CRTAC1: variants seen among roughly 807,000 people sequenced by gnomAD.
The protein encoded by CRTAC1 is cartilage acidic protein 1.
CRTAC1 carries 37 observed loss-of-function variants against 67.8 expected under a neutral mutation model. The ratio of observed to expected loss-of-function variants is 0.55; its 90% CI spans 0.42 to 0.72. CRTAC1 has a LOEUF of 0.72. Among genes scored for constraint, CRTAC1 ranks in the 30% least tolerant of loss-of-function variants. CRTAC1 has a pLI of 0.00. For missense variants in CRTAC1, 780 were observed against 931.6 expected, an observed-to-expected ratio of 0.84 and a Z score of 2.12; for synonymous variants, 348 against 371.0, an observed-to-expected ratio of 0.94 and a Z score of 0.71.
chr10:98,003,010 C>T (rs1842723477), intron 2 of CRTAC1, among the ~76,000 whole-genome samples: 1 of 151,592 alleles, frequency 6.6e-6, no homozygotes, highest in East Asian at 1.9e-4. Context: ...GTCTCGATCT[C>T]CTGACCTCGT....
At chr10:97,964,018 C>T (rs1360717316) in intron 2 of CRTAC1, among the ~76,000 whole-genome samples, 1 of 152,208 alleles carries the variant, frequency 6.6e-6, no homozygotes, top group Admixed American at 6.5e-5. Flanking sequence ...CCCCACCTAC[C>T]ACGCTGTCTC....
Position 97,901,584 on chromosome 10 carries a change from G to T in CRTAC1, c.1052C>A (p.Ala351Asp). The T allele has an allele frequency of 6.2e-7, 1 of 1,614,230 alleles. No individual in the cohort carries two copies. Among genetic ancestry groups the T allele is most frequent in the Non-Finnish European group, 8.5e-7 (1 of 1,180,046 alleles). ...CAGCTCCTGGTCATTGTCAAAGTCG[G>T]CGGTGATGACCGTGCGGACAGGGGA... Reference protein sequence around the residue: ...MPSPVRTVITADFDNDQELEI... With the variant: ...MPSPVRTVITDDFDNDQELEI... The change falls in exon 8 of 15, where the codon GCC becomes GAC. Residue 351 changes from alanine (A) to aspartate (D), a missense_variant. Physicochemically the swap from Ala to Asp is moderately radical, Grantham distance 126. Coordinates refer to ENST00000370597, the MANE Select transcript of CRTAC1 (RefSeq NM_018058.7).
At chr10:97,977,843 G>A (rs2051832458) in intron 2 of CRTAC1, among the ~76,000 whole-genome samples, 1 of 152,298 alleles carries the variant, frequency 6.6e-6, no homozygotes, top group East Asian at 1.9e-4. Flanking sequence ...AATATGCTGT[G>A]ATCATCAGTA....
intron 2 of CRTAC1, among the ~76,000 whole-genome samples, chr10:98,004,039 C>T (rs1165433856): frequency 6.6e-6 from 1 of 152,036 alleles, no homozygotes; most frequent in African/African-American, 2.4e-5. Flanking sequence ...AGCCCTGGCC[C>T]CTGATCCAAT....
chr10:97,866,067 T>G, intron 14 of CRTAC1: 1 of 253,306 alleles, frequency 3.9e-6, no homozygotes, highest in Non-Finnish European at 7.6e-6. Flanking sequence ...GCCTGCCACA[T>G]AGAGGACTCC....
intron 2 of CRTAC1, among the ~76,000 whole-genome samples, chr10:97,966,474 G>A (rs1456220637): frequency 1.3e-5 from 2 of 152,196 alleles, no homozygotes; most frequent in Non-Finnish European, 2.9e-5. Flanking sequence ...AAAATTGCAA[G>A]GGTAGTATAG....
chr10:97,984,840 T>A (rs2051954255), intron 2 of CRTAC1, among the ~76,000 whole-genome samples: 1 of 152,166 alleles, frequency 6.6e-6, no homozygotes, highest in African/African-American at 2.4e-5. Flanking sequence ...GGGAGCTCAC[T>A]AGTTCAAAGG....
chr10:97,993,264 A>C (rs1412323739), intron 2 of CRTAC1, among the ~76,000 whole-genome samples: 1 of 152,234 alleles, frequency 6.6e-6, no homozygotes, highest in Non-Finnish European at 1.5e-5. Context: ...CCTTGGCTTT[A>C]ATACTAAAAG....
chr10:97,906,197 A>T (rs1434804921), intron 6 of CRTAC1, among the ~76,000 whole-genome samples: 1 of 152,114 alleles, frequency 6.6e-6, no homozygotes, highest in Non-Finnish European at 1.5e-5. Context: ...AGAGGCAGTG[A>T]GACTTGAGAA....
At chr10:97,963,785 T>C (rs1308592370) in intron 2 of CRTAC1, among the ~76,000 whole-genome samples, 1 of 152,222 alleles carries the variant, frequency 6.6e-6, no homozygotes, top group Non-Finnish European at 1.5e-5. Context: ...CATGTATTGA[T>C]ATTTATTTAC....
intron 3 of CRTAC1, among the ~76,000 whole-genome samples, chr10:97,926,774 AG>A (rs1341010336): frequency 2.6e-5 from 4 of 152,210 alleles, no homozygotes; most frequent in Non-Finnish European, 4.4e-5. Context: ...TCTGGATTTC[AG>A]GGCTCTCGAG....
At chr10:97,912,662 A>G (rs900730147) in intron 5 of CRTAC1, among the ~76,000 whole-genome samples, 2 of 152,112 alleles carry the variant, frequency 1.3e-5, no homozygotes, top group South Asian at 2.1e-4. Context: ...AACTTCTCCA[A>G]GCTGTGGGTC....
intron 3 of CRTAC1, among the ~76,000 whole-genome samples, chr10:97,925,791 C>G (rs2050906944): frequency 6.6e-6 from 1 of 151,986 alleles, no homozygotes; most frequent in Non-Finnish European, 1.5e-5. Flanking sequence ...CGAGAACAGT[C>G]AAGTGTGTGT....
intron 3 of CRTAC1, among the ~76,000 whole-genome samples, chr10:97,925,699 TG>T (rs1484227838): frequency 1.5e-4 from 2 of 13,180 alleles, no homozygotes; most frequent in Admixed American, 9.5e-4. Context: ...AGTGAGTGTG[TG>T]GGGGGATGAG....
chr10:98,026,799 C>T (rs944249969), intron 1 of CRTAC1, among the ~76,000 whole-genome samples: 36 of 152,102 alleles, frequency 2.4e-4, no homozygotes, highest in Non-Finnish European at 4.6e-4. Context: ...GGGTTTCTTA[C>T]GAGGGTAGGC....
chr10:97,865,544 C>T lies in CRTAC1; in HGVS notation c.*4G>A, dbSNP rs2050010180. The T allele has an allele frequency of 6.2e-7, 1 of 1,605,012 alleles. No individual in the cohort carries two copies. The highest frequency in any genetic ancestry group is 2.2e-5 in the East Asian group (1 of 44,690). Reference sequence around the variant, plus strand: ...CCATCCGCTGGTTCATGTCCCACCCCTGCTCAGCAGCTGGGCTCGCAGCTC... The same window carrying T: ...CCATCCGCTGGTTCATGTCCCACCCTTGCTCAGCAGCTGGGCTCGCAGCTC... On this transcript the variant is annotated 3_prime_UTR_variant, in exon 15 of 15. Transcript: ENST00000370597.
intron 7 of CRTAC1, among the ~76,000 whole-genome samples, chr10:97,902,651 C>A (rs1490609791): frequency 2.6e-5 from 4 of 152,152 alleles, no homozygotes; most frequent in African/African-American, 9.7e-5. Context: ...CCCTAAAGAC[C>A]TTGGGGACAT....
At chr10:97,966,105 G>C (rs1195781994) in intron 2 of CRTAC1, among the ~76,000 whole-genome samples, 1 of 152,162 alleles carries the variant, frequency 6.6e-6, no homozygotes, top group Non-Finnish European at 1.5e-5. Flanking sequence ...TTTTGAGACA[G>C]TCTCACTCCA....
Position 98,029,312 on chromosome 10 carries a change from A to C in CRTAC1, c.24+1137T>G, listed in dbSNP as rs1414029619. ...CTCCCCTGACTCAAGAAAACACTATAGAACTGTCCCCTGTCCTGGGACCCT... is the reference window on the plus strand; with the variant it reads ...CTCCCCTGACTCAAGAAAACACTATCGAACTGTCCCCTGTCCTGGGACCCT... On this transcript the variant is annotated intron_variant, in intron 1 of 14. Transcript: ENST00000370597. The surrounding 1 kb of genome is among the most constrained non-coding windows in gnomAD (Gnocchi z 4.7). Among the ~76,000 whole-genome samples the C allele has an allele frequency of 6.6e-6, 1 of 152,110 alleles. No homozygotes were observed. Among genetic ancestry groups the C allele is most frequent in the Admixed American group, 6.5e-5 (1 of 15,278 alleles).
Sources: allele counts gnomAD v4.1 joint callset (sites outside exome capture counted in the v4.1 genomes callset), GRCh38; gene constraint gnomAD v4.1.1; non-coding constraint Gnocchi (gnomAD v3.1); transcripts MANE v1.5; gene names NCBI Gene and HGNC (gene_info 2026-07-23, HGNC 2026-07-21).